Variants in TEC observed in about 807,000 individuals in gnomAD.
TEC encodes the protein tec protein tyrosine kinase, also known as tyrosine-protein kinase Tec.
A neutral mutation model predicts 93.0 loss-of-function variants in TEC; 72 were observed. The ratio of observed to expected loss-of-function variants is 0.77; its 90% CI spans 0.64 to 0.94. TEC has a LOEUF of 0.94. TEC is among the 40% of genes least tolerant of loss of function. TEC has a pLI of 0.00. For synonymous variants in TEC, 249 were observed against 247.7 expected (o/e 1.01, Z -0.05); for missense variants, 630 against 757.9 (o/e 0.83, Z 1.98).
intron 14 of TEC, among the ~76,000 whole-genome samples, chr4:48,141,906 G>A (rs1314222769): frequency 4.0e-5 from 6 of 151,726 alleles, no homozygotes; most frequent in South Asian, 2.1e-4. Flanking sequence ...CATCTGCCTC[G>A]GCCTCCCCCA....
chr4:48,219,647 C>T (rs994808418), intron 2 of TEC, among the ~76,000 whole-genome samples: 3 of 152,174 alleles, frequency 2.0e-5, no homozygotes, highest in Admixed American at 1.3e-4. Flanking sequence ...CTCTCTCTCT[C>T]TGCTTCAGCT....
At chr4:48,188,348 A>G (rs16861106) in intron 2 of TEC, among the ~76,000 whole-genome samples, 16,989 of 152,190 alleles carry the variant, frequency 0.11, 1,351 homozygotes, top group East Asian at 0.22. Context: ...AGAGTACTCC[A>G]CACCTCAGCT....
chr4:48,211,650 C>CA (rs1337474723), intron 2 of TEC, among the ~76,000 whole-genome samples: 1 of 152,122 alleles, frequency 6.6e-6, no homozygotes, highest in Non-Finnish European at 1.5e-5. Flanking sequence ...TTGAGATAGA[C>CA]AATGAACGTG....
intron 14 of TEC, among the ~76,000 whole-genome samples, chr4:48,144,171 C>T (rs1476709510): frequency 2.6e-5 from 4 of 151,984 alleles, no homozygotes; most frequent in South Asian, 2.1e-4. Flanking sequence ...GCCAAGATTG[C>T]GCCACTGCAC....
intron 8 of TEC, among the ~76,000 whole-genome samples, chr4:48,161,284 T>A (rs770822525): frequency 3.3e-5 from 5 of 152,196 alleles, no homozygotes; most frequent in Non-Finnish European, 5.9e-5. Flanking sequence ...TGCCACCCAC[T>A]CAAAGCCTTT....
At chr4:48,249,562 G>A (rs1724148989) in intron 1 of TEC, among the ~76,000 whole-genome samples, 2 of 152,204 alleles carry the variant, frequency 1.3e-5, no homozygotes, top group Non-Finnish European at 2.9e-5. Context: ...ATTTTATGGT[G>A]TACTTGGCTG....
In TEC at chr4:48,156,632, T is replaced by C. The variant is rs769470067; in HGVS notation, c.792+48A>G. 2.6e-6 allele frequency: 4 copies of C among 1,548,924 alleles called. No individual in the cohort carries two copies. The African/African-American group carries it at 4.1e-5, about 16-fold the overall frequency. ...TGTGGAACTACTTATTATGGACTCATTAAAATTAATTTGCCCTTAAGCCAA... is the reference window on the plus strand; with the variant it reads ...TGTGGAACTACTTATTATGGACTCACTAAAATTAATTTGCCCTTAAGCCAA... On this transcript the variant is annotated intron_variant, in intron 9 of 17. Transcript: ENST00000381501.
intron 7 of TEC, among the ~76,000 whole-genome samples, chr4:48,165,935 C>G (rs1037001228): frequency 6.6e-6 from 1 of 152,204 alleles, no homozygotes; most frequent in Admixed American, 6.5e-5. Flanking sequence ...TAACCCCACA[C>G]TTTTGAGAGC....
intron 2 of TEC, among the ~76,000 whole-genome samples, chr4:48,182,284 C>CAA (rs34844220): frequency 0.087 from 12,272 of 140,768 alleles, 571 homozygotes; most frequent in Middle Eastern, 0.14. Flanking sequence ...GACTCCATCT[C>CAA]AAAAAAAAAA....
intron 1 of TEC, among the ~76,000 whole-genome samples, chr4:48,231,256 C>G (rs1458198334): frequency 6.6e-6 from 1 of 152,188 alleles, no homozygotes; most frequent in African/African-American, 2.4e-5. Flanking sequence ...AACCACAGAA[C>G]TAATTAACCC....
intron 8 of TEC, among the ~76,000 whole-genome samples, chr4:48,160,646 GA>G (rs1720594199): frequency 6.6e-6 from 1 of 150,816 alleles, no homozygotes. Flanking sequence ...AGAATTGCTT[GA>G]ACCTGGGAGG....
chr4:48,220,417 T>C (rs35898502), intron 2 of TEC, among the ~76,000 whole-genome samples: 34,963 of 151,810 alleles, frequency 0.23, 4,154 homozygotes, highest in East Asian at 0.27. Context: ...ATGAATGGCC[T>C]GGTGCCCTCC....
chr4:48,217,246 G>T (rs113229436), intron 2 of TEC, among the ~76,000 whole-genome samples: 2 of 151,970 alleles, frequency 1.3e-5, no homozygotes, highest in Non-Finnish European at 2.9e-5. Flanking sequence ...TGGGATTACA[G>T]GTGCCCGCCA....
At chr4:48,265,837 T>C (rs979613381) in intron 1 of TEC, among the ~76,000 whole-genome samples, 3 of 152,044 alleles carry the variant, frequency 2.0e-5, no homozygotes, top group South Asian at 2.1e-4. Flanking sequence ...TTAAGAAAAT[T>C]TCCCAAACTG....
intron 2 of TEC, among the ~76,000 whole-genome samples, chr4:48,179,944 G>C (rs1413944300): frequency 6.6e-6 from 1 of 152,132 alleles, no homozygotes; most frequent in East Asian, 1.9e-4. Context: ...TAACTGTCTA[G>C]CTCTAGGAGC....
chr4:48,251,066 A>T (rs1452876198), intron 1 of TEC, among the ~76,000 whole-genome samples: 1 of 152,192 alleles, frequency 6.6e-6, no homozygotes, highest in Non-Finnish European at 1.5e-5. Flanking sequence ...TACATTCATT[A>T]AAAAACATAA....
intron 1 of TEC, among the ~76,000 whole-genome samples, chr4:48,235,058 G>A (rs1723748676): frequency 6.6e-6 from 1 of 151,492 alleles, no homozygotes; most frequent in Non-Finnish European, 1.5e-5. Context: ...GTGGGAACAA[G>A]GAAACAGAAT....
intron 5 of TEC, among the ~76,000 whole-genome samples, chr4:48,169,949 G>C (rs1286272947): frequency 6.6e-6 from 1 of 152,188 alleles, no homozygotes; most frequent in Non-Finnish European, 1.5e-5. Flanking sequence ...TTTATTTGTT[G>C]AAGAACATTA....
intron 2 of TEC, among the ~76,000 whole-genome samples, chr4:48,219,275 C>T (rs779550665): frequency 5.3e-5 from 8 of 152,144 alleles, no homozygotes; most frequent in East Asian, 1.9e-4. Context: ...CTTGGTCAAG[C>T]GGTAACGCCA....
Sources: allele counts gnomAD v4.1 joint callset (sites outside exome capture counted in the v4.1 genomes callset), GRCh38; gene constraint gnomAD v4.1.1; transcripts MANE v1.5; gene names NCBI Gene and HGNC (gene_info 2026-07-23, HGNC 2026-07-21).